Variants in PLCG2 observed in about 807,000 individuals in gnomAD.
PLCG2 encodes 1-phosphatidylinositol 4,5-bisphosphate phosphodiesterase gamma-2.
Under a neutral mutation model 175.6 loss-of-function variants are expected in PLCG2, and 69 were observed. The ratio of observed to expected loss-of-function variants is 0.39; its 90% CI spans 0.32 to 0.48. The LOEUF (loss-of-function observed/expected upper bound fraction) is 0.48. PLCG2 is among the 20% of genes least tolerant of loss of function. PLCG2 has a pLI of 0.91. For missense variants in PLCG2, 1,798 were observed against 1,650.9 expected, an observed-to-expected ratio of 1.09 and a Z score of -1.54; for synonymous variants, 827 against 624.0, an observed-to-expected ratio of 1.33 and a Z score of -4.85.
intron 2 of PLCG2, among the ~76,000 whole-genome samples, chr16:81,829,148 ACCCAG>A (rs1405948156): frequency 1.3e-5 from 2 of 152,088 alleles, no homozygotes; most frequent in African/African-American, 2.4e-5. Context: ...TGGCTCTGTC[ACCCAG>A]GCTGGAGTGC....
At chr16:81,829,490 T>G (rs1463593389) in intron 2 of PLCG2, among the ~76,000 whole-genome samples, 1 of 152,236 alleles carries the variant, frequency 6.6e-6, no homozygotes, top group African/African-American at 2.4e-5. Flanking sequence ...AGTGTTGGGA[T>G]TACAGGTGTG....
chr16:81,828,235 ATTTTTTTTTTTTT>A (rs67992648), intron 2 of PLCG2, among the ~76,000 whole-genome samples: 18 of 59,374 alleles, frequency 3.0e-4, no homozygotes, highest in South Asian at 8.8e-4. Flanking sequence ...GAGAAATGTC[ATTTTTTTTTTTTT>A]TTTTTTTTTT....
chr16:81,785,959 G>C lies in PLCG2; in HGVS notation c.-31G>C. On this transcript the variant is annotated 5_prime_UTR_variant, in exon 2 of 33. Coordinates refer to ENST00000564138, the MANE Select transcript of PLCG2 (RefSeq NM_002661.5). ...CCCTTTCAGCTTCCTGATTTCTCCC[G>C]ATTCCTTCCTTCTCCCTGGAGCGGC... 1 of 1,596,316 alleles carries C rather than the reference G, an allele frequency of 6.3e-7. No homozygotes were observed. Among genetic ancestry groups the C allele is most frequent in the Non-Finnish European group, 8.6e-7 (1 of 1,167,738 alleles).
At chr16:81,790,549 A>G (rs569887627) in intron 2 of PLCG2, among the ~76,000 whole-genome samples, 146 of 152,228 alleles carry the variant, frequency 9.6e-4, no homozygotes, top group African/African-American at 3.4e-3. Flanking sequence ...AGCTCTGGCA[A>G]TTTCCTCACG....
At chr16:81,811,177 A>T (rs140779455) in intron 2 of PLCG2, among the ~76,000 whole-genome samples, 10 of 152,134 alleles carry the variant, frequency 6.6e-5, no homozygotes, top group African/African-American at 2.4e-4. Context: ...TTGCCTCCTG[A>T]GTCTCCCATT....
rs759166545 is a variant in PLCG2 at position 81,931,591 on chromosome 16, G to A, written c.2676G>A (p.Arg892=). 2 of 1,613,978 alleles carry A rather than the reference G, an allele frequency of 1.2e-6. No homozygotes were observed. The highest frequency in any genetic ancestry group is 3.3e-5 in the Admixed American group (2 of 59,986). Residue 892 remains arginine, a synonymous_variant, in exon 25 of 33, where the codon AGG becomes AGA. Coordinates refer to ENST00000564138, the MANE Select transcript of PLCG2 (RefSeq NM_002661.5). ...CTCCGGTGGAGTTTGCCACAGACAG[G>A]GTGGAGGAGCTCTTTGAGTGGTTTC... ...GDPPVEFATD[R]VEELFEWFQS...
At chr16:81,750,685 TGAGATAGAGTCTCCCTC>T (rs1909793190) in intron 1 of PLCG2, among the ~76,000 whole-genome samples, 6 of 128,626 alleles carry the variant, frequency 4.7e-5, no homozygotes, top group Non-Finnish European at 4.8e-5. Flanking sequence ...TTTTTTTTTT[TGAGATAGAGTCTCCCTC>T]TTTTGCCCAG....
At chr16:81,925,264 G>A (rs1910215376) in intron 22 of PLCG2, among the ~76,000 whole-genome samples, 2 of 152,154 alleles carry the variant, frequency 1.3e-5, no homozygotes, top group South Asian at 4.1e-4. Flanking sequence ...GGGCCGCCTG[G>A]GTGAAACCGG....
intron 15 of PLCG2, 94 bp from the exon 16 acceptor site, chr16:81,907,591 G>A (rs1373366316): frequency 1.4e-6 from 1 of 702,536 alleles, no homozygotes; most frequent in Admixed American, 2.3e-5. Context: ...CACATCCATA[G>A]TAGATGCTGG....
intron 11 of PLCG2, among the ~76,000 whole-genome samples, chr16:81,892,704 A>T (rs1010973837): frequency 6.6e-6 from 1 of 152,136 alleles, no homozygotes; most frequent in African/African-American, 2.4e-5. Flanking sequence ...GGTTTGTTAA[A>T]CGGGTCAACT....
chr16:81,896,815 A>T (rs1481760051), intron 13 of PLCG2, among the ~76,000 whole-genome samples: 1 of 152,118 alleles, frequency 6.6e-6, no homozygotes, highest in Admixed American at 6.5e-5. Context: ...TTTGCCACAA[A>T]GTGAGTATGG....
intron 17 of PLCG2, among the ~76,000 whole-genome samples, chr16:81,910,206 T>C (rs375460772): frequency 1.1e-4 from 17 of 152,188 alleles, no homozygotes; most frequent in African/African-American, 4.1e-4. Flanking sequence ...TTCTCTTGCC[T>C]CAGCCTCCCA....
intron 2 of PLCG2, among the ~76,000 whole-genome samples, chr16:81,800,740 A>G (rs146265147): frequency 6.6e-6 from 1 of 152,056 alleles, no homozygotes; most frequent in Non-Finnish European, 1.5e-5. Flanking sequence ...TCTGCTCCCA[A>G]GATGCCCTTG....
At position 81,806,590 on chromosome 16, in the gene PLCG2, A is replaced by G. The variant is rs536036270; in HGVS notation, c.193+20408A>G. Among the ~76,000 whole-genome samples, 8 of 152,142 alleles carry G rather than the reference A, an allele frequency of 5.3e-5. No homozygotes were observed. In the South Asian group the frequency reaches 6.3e-4, roughly 12 times the overall value. ...ATTGAGAGTAGGAGTCTGCACCATT[A>G]CATGATCATAGGATAGCCTGCAGAC... On this transcript the variant is annotated intron_variant, in intron 2 of 32. Coordinates refer to ENST00000564138, the MANE Select transcript of PLCG2 (RefSeq NM_002661.5).
chr16:81,856,389 TTGAGCTA>T (rs1398892898), intron 3 of PLCG2, among the ~76,000 whole-genome samples: 1 of 152,198 alleles, frequency 6.6e-6, no homozygotes, highest in Admixed American at 6.5e-5. Context: ...GCAGTGGGAC[TTGAGCTA>T]TGATCTTCCT....
chr16:81,797,788 T>A (rs1911537928), intron 2 of PLCG2, among the ~76,000 whole-genome samples: 1 of 152,284 alleles, frequency 6.6e-6, no homozygotes, highest in African/African-American at 2.4e-5. Flanking sequence ...CTGTGTGACC[T>A]TAGGCAATCT....
Position 81,960,068 on chromosome 16 carries a change from A to C in PLCG2, c.*2070A>C, listed in dbSNP as rs1435532616. ...CAAAGAGAAGTCAGGGGATTATGAC[A>C]TAAATGGTGCTGGGAAGAACCCTCT... On this transcript the variant is annotated 3_prime_UTR_variant, in exon 33 of 33. Transcript: ENST00000564138. 4.6e-6 allele frequency: 1 copy of C among 218,812 alleles called. No individual in the cohort carries two copies. Among genetic ancestry groups the C allele is most frequent in the Non-Finnish European group, 9.2e-6 (1 of 109,090 alleles). The allele number at this position is 218,812 out of a possible 1,614,324, so 13.6% of individuals were successfully genotyped here.
At chr16:81,772,958 G>A (rs964434872) in intron 2 of PLCG2, among the ~76,000 whole-genome samples, 1 of 152,184 alleles carries the variant, frequency 6.6e-6, no homozygotes, top group African/African-American at 2.4e-5. Context: ...CAGACTGCCT[G>A]CCTGACACCA....
intron 2 of PLCG2, among the ~76,000 whole-genome samples, chr16:81,849,791 A>AAC (rs1247813939): frequency 0.05 from 7,321 of 145,476 alleles, 282 homozygotes; most frequent in Non-Finnish European, 0.073. Context: ...AAAAAAAAAA[A>AAC]AAAAAACCAA....
Sources: allele counts gnomAD v4.1 joint callset (sites outside exome capture counted in the v4.1 genomes callset), GRCh38; gene constraint gnomAD v4.1.1; transcripts MANE v1.5; gene names NCBI Gene and HGNC (gene_info 2026-07-23, HGNC 2026-07-21).